GALNTL6: variants seen among roughly 807,000 people sequenced by gnomAD.
The protein encoded by GALNTL6 is polypeptide N-acetylgalactosaminyltransferase like 6, also known as polypeptide N-acetylgalactosaminyltransferase-like 6.
GALNTL6 carries 46 observed loss-of-function variants against 73.7 expected under a neutral mutation model. That is an observed-to-expected ratio of 0.62 (90% CI 0.49 to 0.80). GALNTL6 has a LOEUF of 0.80. GALNTL6 is among the 30% of genes least tolerant of loss of function. The probability of loss-of-function intolerance (pLI) is 0.00; values close to 1 mark genes in which losing one functional copy is unlikely to be tolerated. For synonymous variants in GALNTL6, 259 were observed against 263.7 expected (o/e 0.98, Z 0.17); for missense variants, 604 against 755.0 (o/e 0.80, Z 2.34).
At chr4:173,031,830 G>A (rs147593819) in intron 12 of GALNTL6, among the ~76,000 whole-genome samples, 3 of 152,168 alleles carry the variant, frequency 2.0e-5, no homozygotes, top group Admixed American at 6.5e-5. Flanking sequence ...GAGGGGAAGC[G>A]GACAAATACT....
chr4:172,864,107 C>T (rs537526440), intron 7 of GALNTL6, among the ~76,000 whole-genome samples: 3 of 152,286 alleles, frequency 2.0e-5, no homozygotes, highest in Admixed American at 1.3e-4. Flanking sequence ...GCCTCCCCAG[C>T]CATGTGGAAC....
chr4:172,986,414 G>A (rs967044902), intron 10 of GALNTL6, among the ~76,000 whole-genome samples: 1 of 152,180 alleles, frequency 6.6e-6, no homozygotes, highest in East Asian at 1.9e-4. Context: ...GAAAGTCCGA[G>A]CTTCAGTCTT....
chr4:172,234,585 G>A (rs1304186980), intron 3 of GALNTL6, among the ~76,000 whole-genome samples: 2 of 152,004 alleles, frequency 1.3e-5, no homozygotes, highest in African/African-American at 2.4e-5. Context: ...ATAGATAAAT[G>A]TTCTCCTTTA....
intron 8 of GALNTL6, among the ~76,000 whole-genome samples, chr4:172,898,797 A>AAAG (rs1313991199): frequency 6.6e-6 from 1 of 152,220 alleles, no homozygotes; most frequent in African/African-American, 2.4e-5. Flanking sequence ...TTTCTGCCTC[A>AAAG]AAGAAAAAGT....
At chr4:172,448,658 T>A (rs574257775) in intron 5 of GALNTL6, among the ~76,000 whole-genome samples, 14 of 152,330 alleles carry the variant, frequency 9.2e-5, no homozygotes, top group Admixed American at 3.9e-4. Context: ...ACAACGCTTT[T>A]TAGTCTTCTC....
intron 12 of GALNTL6, among the ~76,000 whole-genome samples, chr4:173,022,737 A>G (rs1193200379): frequency 6.6e-6 from 1 of 152,246 alleles, no homozygotes; most frequent in Non-Finnish European, 1.5e-5. Flanking sequence ...TTCAAAAATT[A>G]TAAAGTTAAC....
chr4:172,083,776 C>G (rs6854938), intron 2 of GALNTL6, among the ~76,000 whole-genome samples: 135,660 of 152,196 alleles, frequency 0.89, 60,676 homozygotes, highest in Non-Finnish European at 0.93. Flanking sequence ...CTCTCCATTA[C>G]AGCATAAGCT....
At chr4:172,493,730 CCT>C (rs1370990972) in intron 5 of GALNTL6, among the ~76,000 whole-genome samples, 6 of 152,154 alleles carry the variant, frequency 3.9e-5, no homozygotes, top group Non-Finnish European at 5.9e-5. Flanking sequence ...AAGAATGCCC[CCT>C]GTTTAGAAAG....
intron 5 of GALNTL6, among the ~76,000 whole-genome samples, chr4:172,388,932 A>G (rs547425299): frequency 6.6e-6 from 1 of 152,180 alleles, no homozygotes; most frequent in Non-Finnish European, 1.5e-5. Flanking sequence ...TGCTATATCT[A>G]TATCTATATC....
In GALNTL6 at chr4:172,537,580, C is replaced by T. The variant is rs116050177; in HGVS notation, c.553+188891C>T. Among the ~76,000 whole-genome samples, 1,218 of 152,238 alleles carry T rather than the reference C, an allele frequency of 8.0e-3. 10 individuals carry two copies. The highest frequency in any genetic ancestry group is 0.028 in the African/African-American group (1,153 of 41,546). On this transcript the variant is annotated intron_variant, in intron 5 of 12. Coordinates refer to ENST00000506823, the MANE Select transcript of GALNTL6 (RefSeq NM_001034845.3). ...TCTTTTTCTTTATAAATTATCTAGT[C>T]TTGGGTGTGTCCTTATAGCAGCATG...
chr4:172,446,817 A>G (rs1284929121), intron 5 of GALNTL6, among the ~76,000 whole-genome samples: 2 of 152,084 alleles, frequency 1.3e-5, no homozygotes, highest in East Asian at 3.9e-4. Flanking sequence ...CCCAGGAAGA[A>G]CCCCTAAACT....
chr4:172,730,835 C>T (rs1274043677), intron 5 of GALNTL6, among the ~76,000 whole-genome samples: 1 of 152,106 alleles, frequency 6.6e-6, no homozygotes, highest in Admixed American at 6.5e-5. Context: ...AATCCCAGCA[C>T]TTTGGGAGGC....
At chr4:172,968,038 T>C (rs1316418567) in intron 10 of GALNTL6, among the ~76,000 whole-genome samples, 1 of 152,096 alleles carries the variant, frequency 6.6e-6, no homozygotes, top group African/African-American at 2.4e-5. Flanking sequence ...TGTTTAATCA[T>C]CAAGACCAGA....
chr4:172,411,170 C>T lies in GALNTL6; in HGVS notation c.553+62481C>T, dbSNP rs1744420241. ...GTCAGCAAACATGAATGTGTGTTTG[C>T]TGATGAAGTAGTTACATTAGGGCCA... On this transcript the variant is annotated intron_variant, in intron 5 of 12. Transcript: ENST00000506823. Among the ~76,000 whole-genome samples, 3 of 151,900 alleles carry T rather than the reference C, an allele frequency of 2.0e-5. No homozygotes were observed. The South Asian group carries it at 6.2e-4, about 32-fold the overall frequency.
At chr4:172,039,129 A>T (rs369217751) in intron 2 of GALNTL6, among the ~76,000 whole-genome samples, 2 of 152,194 alleles carry the variant, frequency 1.3e-5, no homozygotes. Context: ...CTAATTTTGC[A>T]TAATATCATT....
intron 2 of GALNTL6, among the ~76,000 whole-genome samples, chr4:172,018,240 G>T (rs1411221499): frequency 6.6e-6 from 1 of 152,048 alleles, no homozygotes; most frequent in African/African-American, 2.4e-5. Context: ...GAGGTATTCT[G>T]GTTTCTCAGG....
chr4:171,824,077 T>TTATATATATATATATATATATATATA (rs3080307), intron 2 of GALNTL6, among the ~76,000 whole-genome samples: 4 of 129,212 alleles, frequency 3.1e-5, no homozygotes, highest in Non-Finnish European at 4.8e-5. Context: ...CAAATCCATT[T>TTATATATATATATATATATATATATA]TATATATATA....
intron 8 of GALNTL6, among the ~76,000 whole-genome samples, chr4:172,905,691 ATG>A (rs1746845768): frequency 6.6e-6 from 1 of 151,962 alleles, no homozygotes; most frequent in East Asian, 1.9e-4. Context: ...GTTTCCCTAC[ATG>A]GTACATAAGC....
chr4:172,078,751 A>G (rs866672091), intron 2 of GALNTL6, among the ~76,000 whole-genome samples: 21 of 152,162 alleles, frequency 1.4e-4, no homozygotes, highest in Non-Finnish European at 7.4e-5. Context: ...TCTTTGAGGG[A>G]AAAGGGTGTA....
Sources: allele counts gnomAD v4.1 joint callset (sites outside exome capture counted in the v4.1 genomes callset), GRCh38; gene constraint gnomAD v4.1.1; transcripts MANE v1.5; gene names NCBI Gene and HGNC (gene_info 2026-07-23, HGNC 2026-07-21).